TDRD12: variants seen among roughly 807,000 people sequenced by gnomAD.
TDRD12 encodes tudor domain containing 12, also known as putative ATP-dependent RNA helicase TDRD12.
In TDRD12, 158 loss-of-function variants were observed where a neutral mutation model predicts 133.5. That is an observed-to-expected ratio of 1.18 (90% confidence interval 1.04 to 1.35). TDRD12 has a LOEUF of 1.35. TDRD12 is among the 40% of genes most tolerant of loss of function. The pLI is 0.00. For missense variants in TDRD12, 1,443 were observed against 1,321.3 expected (o/e 1.09, Z -1.43); for synonymous variants, 460 against 477.9 (o/e 0.96, Z 0.49).
At chr19:32,824,841 G>C (rs977862818), downstream of TDRD12, among the ~76,000 whole-genome samples, 3 of 151,880 alleles carry the variant, frequency 2.0e-5, no homozygotes, top group Middle Eastern at 3.4e-3. Flanking sequence ...CCTGTGATTT[G>C]TGTTTCCCGG....
chr19:32,826,327 G>T, exon 8 of TDRD12: 1 of 1,377,154 alleles, frequency 7.3e-7, no homozygotes, highest in Non-Finnish European at 9.4e-7. Context: ...GACTACAAGT[G>T]TCAGTATTTA....
chr19:32,756,490 C>G (rs1969998377), intron 7 of TDRD12, among the ~76,000 whole-genome samples: 2 of 152,100 alleles, frequency 1.3e-5, no homozygotes, highest in African/African-American at 4.8e-5. Context: ...CAGGTTCACA[C>G]CATTCTCCTG....
chr19:32,777,034 G>A (rs568139873), intron 10 of TDRD12, 115 bp from the exon 11 acceptor site: 1 of 674,796 alleles, frequency 1.5e-6, no homozygotes, highest in Admixed American at 3.0e-5. Context: ...GACTATAGGT[G>A]CACACCACCA....
chr19:32,770,732 G>A (rs1021633060), intron 8 of TDRD12, among the ~76,000 whole-genome samples: 4 of 152,132 alleles, frequency 2.6e-5, no homozygotes, highest in Non-Finnish European at 5.9e-5. Context: ...TCTGAAAAGG[G>A]GGAAATAATT....
intron 11 of TDRD12, among the ~76,000 whole-genome samples, chr19:32,779,916 T>G (rs909650048): frequency 6.6e-6 from 1 of 152,134 alleles, no homozygotes; most frequent in African/African-American, 2.4e-5. Flanking sequence ...TGGAGCTCTC[T>G]CTGCAGTTCT....
intron 4 of TDRD12, among the ~76,000 whole-genome samples, chr19:32,743,980 A>G (rs1969512920): frequency 6.6e-6 from 1 of 150,994 alleles, no homozygotes; most frequent in South Asian, 2.1e-4. Flanking sequence ...GTGAGCCGAA[A>G]TCGCACCACT....
chr19:32,755,947 G>T, intron 6 of TDRD12, 45 bp from the exon 7 acceptor site: 2 of 1,324,448 alleles, frequency 1.5e-6, no homozygotes, highest in South Asian at 1.7e-5. Context: ...AAAATCGCTT[G>T]ACTATATTTG....
intron 8 of TDRD12, among the ~76,000 whole-genome samples, chr19:32,766,826 G>C (rs1970311012): frequency 6.6e-6 from 1 of 152,012 alleles, no homozygotes; most frequent in Non-Finnish European, 1.5e-5. Context: ...TGTTGGCCAG[G>C]CTGGTCTCGA....
At chr19:32,826,396 A>C in intron 8 of TDRD12, 39 bp downstream of exon 30, 1 of 1,239,172 alleles carries the variant, frequency 8.1e-7, no homozygotes, top group East Asian at 3.1e-5. Context: ...AAATAGAAAT[A>C]ATTTTTAGCA....
chr19:32,747,111 T>C (rs556915518), intron 4 of TDRD12, among the ~76,000 whole-genome samples: 1 of 151,538 alleles, frequency 6.6e-6, no homozygotes, highest in East Asian at 1.9e-4. Context: ...ATTCTGTGTG[T>C]GTGAGAGAGG....
chr19:32,804,685 C>G (rs1971492616), intron 21 of TDRD12, among the ~76,000 whole-genome samples: 1 of 133,280 alleles, frequency 7.5e-6, no homozygotes, highest in African/African-American at 2.8e-5. Flanking sequence ...CAGCAAGATT[C>G]TGTCTCAAAA....
chr19:32,805,743 T>A (rs1416506707), intron 21 of TDRD12, among the ~76,000 whole-genome samples: 1 of 148,196 alleles, frequency 6.7e-6, no homozygotes, highest in East Asian at 1.9e-4. Context: ...TTTTTTTTTT[T>A]TTTTTTGAGA....
At chr19:32,826,560 G>C (rs1424019634) in exon 9 of TDRD12, 1 of 1,241,038 alleles carries the variant, frequency 8.1e-7, no homozygotes, top group Non-Finnish European at 1.0e-6. Context: ...TCTGGCCAAA[G>C]AGAGAAGGGA....
chr19:32,747,747 G>A (rs867110426), intron 4 of TDRD12, among the ~76,000 whole-genome samples: 3 of 152,252 alleles, frequency 2.0e-5, no homozygotes, highest in East Asian at 1.9e-4. Flanking sequence ...GTTAGCTCAC[G>A]CCTGTAATCC....
At chr19:32,778,556 A>G (rs535390313) in intron 11 of TDRD12, among the ~76,000 whole-genome samples, 1 of 152,182 alleles carries the variant, frequency 6.6e-6, no homozygotes, top group East Asian at 1.9e-4. Context: ...ATAGAGTGCA[A>G]TGACATGATC....
chr19:32,801,245 A>T (rs1971380165), intron 18 of TDRD12, among the ~76,000 whole-genome samples: 2 of 152,096 alleles, frequency 1.3e-5, no homozygotes, highest in Non-Finnish European at 2.9e-5. Flanking sequence ...TTGAGAAGAT[A>T]ACAGTAAAAG....
At chr19:32,815,402 A>G (rs1568495161) in intron 25 of TDRD12, 46 bp from the exon 26 acceptor site, 1 of 1,470,868 alleles carries the variant, frequency 6.8e-7, no homozygotes, top group Non-Finnish European at 9.1e-7. Context: ...TTCAGTTAAA[A>G]TTCAGAGTGA....
intron 26 of TDRD12, among the ~76,000 whole-genome samples, chr19:32,815,895 G>A (rs541619545): frequency 1.3e-3 from 195 of 152,208 alleles, no homozygotes; most frequent in African/African-American, 4.3e-3. Context: ...TCGGGAGGCT[G>A]AAGCAGGAGA....
chr19:32,815,688 A>G (rs1385165705), intron 26 of TDRD12, 68 bp downstream of exon 26: 14 of 1,423,690 alleles, frequency 9.8e-6, no homozygotes, highest in Non-Finnish European at 1.3e-5. Flanking sequence ...AGTGTTAAGG[A>G]CATGTTTTAT....
Sources: allele counts gnomAD v4.1 joint callset (sites outside exome capture counted in the v4.1 genomes callset), GRCh38; gene constraint gnomAD v4.1.1; transcripts MANE v1.5; gene names NCBI Gene and HGNC (gene_info 2026-07-23, HGNC 2026-07-21).